The following MYRIP variants were observed in gnomAD, a reference collection of about 807,000 sequenced individuals.
The protein encoded by MYRIP is rab effector MyRIP.
A neutral mutation model predicts 98.0 loss-of-function variants in MYRIP; 49 were observed. The observed-to-expected ratio is 0.50, with a 90% CI of 0.40 to 0.63. The LOEUF is 0.63. Ranked by LOEUF, MYRIP falls within the 30% of genes least tolerant of loss-of-function variation. The pLI is 0.00. For synonymous variants in MYRIP, 404 were observed against 409.5 expected, an observed-to-expected ratio of 0.99 and a Z score of 0.16; for missense variants, 1,004 against 1,058.2, an observed-to-expected ratio of 0.95 and a Z score of 0.71.
intron 8 of MYRIP, among the ~76,000 whole-genome samples, chr3:40,180,552 G>C (rs1179493672): frequency 6.6e-6 from 1 of 152,230 alleles, no homozygotes; most frequent in African/African-American, 2.4e-5. Flanking sequence ...CACAGGCCAT[G>C]GCCTGCTTGA....
At chr3:40,031,666 G>A (rs912709250) in intron 2 of MYRIP, among the ~76,000 whole-genome samples, 1 of 152,134 alleles carries the variant, frequency 6.6e-6, no homozygotes, top group East Asian at 1.9e-4. Flanking sequence ...TCTCCCATAA[G>A]AAATCAAAAC....
At chr3:40,068,934 C>G (rs1307254911) in intron 3 of MYRIP, among the ~76,000 whole-genome samples, 1 of 152,228 alleles carries the variant, frequency 6.6e-6, no homozygotes, top group Non-Finnish European at 1.5e-5. Context: ...CTTGAAAACA[C>G]TGCTCTGCGT....
chr3:39,837,018 A>G (rs1435603084), intron 1 of MYRIP, among the ~76,000 whole-genome samples: 2 of 152,170 alleles, frequency 1.3e-5, no homozygotes, highest in Non-Finnish European at 2.9e-5. Context: ...GTAAGGTAAG[A>G]CCCAGTCGCT....
intron 1 of MYRIP, among the ~76,000 whole-genome samples, chr3:39,895,337 C>T (rs1384753840): frequency 1.3e-5 from 2 of 152,026 alleles, no homozygotes; most frequent in Non-Finnish European, 2.9e-5. Context: ...CAGGTGCCTG[C>T]CACCACGCTC....
chr3:39,889,993 T>G (rs1213303106), intron 1 of MYRIP, among the ~76,000 whole-genome samples: 1 of 152,144 alleles, frequency 6.6e-6, no homozygotes, highest in African/African-American at 2.4e-5. Context: ...CTAAAATTTT[T>G]TTTAAAAATC....
At chr3:39,873,532 G>A (rs201190368) in intron 1 of MYRIP, among the ~76,000 whole-genome samples, 25,510 of 152,044 alleles carry the variant, frequency 0.17, 4,024 homozygotes, top group African/African-American at 0.42. Context: ...GTAAGGAAGG[G>A]ATCCAGTTTC....
At chr3:39,899,876 A>G (rs1365930756) in intron 1 of MYRIP, among the ~76,000 whole-genome samples, 1 of 152,196 alleles carries the variant, frequency 6.6e-6, no homozygotes, top group Non-Finnish European at 1.5e-5. Flanking sequence ...GCTGGAGTGC[A>G]CTGGCGCGAT....
chr3:39,828,950 A>G (rs1452145499), intron 1 of MYRIP, among the ~76,000 whole-genome samples: 1 of 152,204 alleles, frequency 6.6e-6, no homozygotes, highest in Non-Finnish European at 1.5e-5. Context: ...GTATGCAAGT[A>G]TCTTTTTCAA....
chr3:40,180,561 G>C (rs1424556379), intron 8 of MYRIP, among the ~76,000 whole-genome samples: 1 of 152,214 alleles, frequency 6.6e-6, no homozygotes, highest in African/African-American at 2.4e-5. Context: ...TGGCCTGCTT[G>C]AACTGAACCT....
At position 40,015,916 on chromosome 3, in the gene MYRIP, T is replaced by C. The variant is rs1366031878; in HGVS notation, c.111-28134T>C. Among the ~76,000 whole-genome samples, 3 of 152,160 alleles carry C rather than the reference T, an allele frequency of 2.0e-5. No homozygotes were observed. The East Asian group carries it at 5.8e-4, about 29-fold the overall frequency. On this transcript the variant is annotated intron_variant, in intron 2 of 16. Coordinates refer to ENST00000302541, the MANE Select transcript of MYRIP (RefSeq NM_015460.4). ...GTCCAGTTTCTATAACATTCCCCAC[T>C]TCACTGAAACCACTCTTCCTAGTGG...
At chr3:40,027,985 G>A (rs964569133) in intron 2 of MYRIP, among the ~76,000 whole-genome samples, 3 of 152,082 alleles carry the variant, frequency 2.0e-5, no homozygotes, top group Non-Finnish European at 4.4e-5. Context: ...GGGAAAAAGA[G>A]GGCCAAGCTC....
chr3:39,869,030 T>C (rs1307530824), intron 1 of MYRIP, among the ~76,000 whole-genome samples: 4 of 152,234 alleles, frequency 2.6e-5, no homozygotes, highest in African/African-American at 9.6e-5. Context: ...GTGATGTGCC[T>C]AGGCATGGAT....
At chr3:39,958,693 C>T (rs1229409911) in intron 2 of MYRIP, among the ~76,000 whole-genome samples, 1 of 152,154 alleles carries the variant, frequency 6.6e-6, no homozygotes, top group Non-Finnish European at 1.5e-5. Context: ...TCTAATTAAA[C>T]TAAAGAGCTT....
intron 2 of MYRIP, among the ~76,000 whole-genome samples, chr3:39,966,156 G>A (rs1945437112): frequency 6.6e-6 from 1 of 152,112 alleles, no homozygotes; most frequent in South Asian, 2.1e-4. Flanking sequence ...TAGGCTTTCT[G>A]AAGGGCTCTG....
At chr3:40,089,005 G>A (rs1948687392) in intron 3 of MYRIP, among the ~76,000 whole-genome samples, 1 of 151,986 alleles carries the variant, frequency 6.6e-6, no homozygotes, top group Admixed American at 6.6e-5. Flanking sequence ...GTGTGGGGGA[G>A]GGAGGAGTCA....
At chr3:40,075,923 G>C (rs1948333559) in intron 3 of MYRIP, among the ~76,000 whole-genome samples, 2 of 152,108 alleles carry the variant, frequency 1.3e-5, no homozygotes, top group South Asian at 4.1e-4. Context: ...CCAAAGGCTG[G>C]GCATGCTCAC....
At chr3:40,167,332 C>G in intron 7 of MYRIP, 93 bp downstream of exon 7, 1 of 1,134,720 alleles carries the variant, frequency 8.8e-7, no homozygotes. Context: ...TGGGGAGTGT[C>G]TCTAGCACTG....
At chr3:40,188,890 G>A (rs183680423) in intron 9 of MYRIP, among the ~76,000 whole-genome samples, 8 of 152,280 alleles carry the variant, frequency 5.3e-5, no homozygotes, top group South Asian at 2.1e-4. Context: ...CCACAGACAC[G>A]TGGGAAGAAA....
chr3:39,821,149 G>A (rs1208129541), intron 1 of MYRIP, among the ~76,000 whole-genome samples: 1 of 152,214 alleles, frequency 6.6e-6, no homozygotes, highest in East Asian at 1.9e-4. Context: ...ATCATGGGAT[G>A]CATGGGAGGT....
Sources: gnomAD v4.1 joint callset for allele counts (sites outside exome capture counted in the v4.1 genomes callset) on GRCh38, gnomAD v4.1.1 for gene constraint, MANE v1.5 for transcripts, NCBI Gene and HGNC (gene_info 2026-07-23, HGNC 2026-07-21) for gene names.